MAPK8: variants seen among roughly 807,000 people sequenced by gnomAD.
The protein encoded by MAPK8 is JUN N-terminal kinase.
In MAPK8, 13 loss-of-function variants were observed where a neutral mutation model predicts 52.9. That is an observed-to-expected ratio of 0.25 (90% CI 0.16 to 0.39). The LOEUF (loss-of-function observed/expected upper bound fraction) is 0.39, where lower values mean the gene tolerates loss of function less well. MAPK8 is among the 10% of genes least tolerant of loss of function. The pLI, the probability that MAPK8 is intolerant of heterozygous loss-of-function variation, is 1.00. For missense variants in MAPK8, 300 were observed against 519.2 expected (o/e 0.58, Z 4.10); for synonymous variants, 191 against 169.8 (o/e 1.12, Z -0.97).
chr10:48,350,008 A>G (rs1564516035), intron 1 of MAPK8, among the ~76,000 whole-genome samples: 1 of 152,232 alleles, frequency 6.6e-6, no homozygotes, highest in South Asian at 2.1e-4. Flanking sequence ...AATAAACTAG[A>G]AAATCTAGAA....
At chr10:48,340,489 T>C (rs1383221374) in intron 1 of MAPK8, among the ~76,000 whole-genome samples, 1 of 152,166 alleles carries the variant, frequency 6.6e-6, no homozygotes, top group Non-Finnish European at 1.5e-5. Flanking sequence ...CCCAGAATTA[T>C]GCAATGTACC....
Position 48,337,918 on chromosome 10 carries a change from C to T in MAPK8, c.-50+31097C>T, listed in dbSNP as rs566330937. 5.3e-5 allele frequency among the ~76,000 whole-genome samples: 8 copies of T among 151,680 alleles called. No individual in the cohort carries two copies. The East Asian group carries it at 1.5e-3, about 29-fold the overall frequency. ...ACCAGGAAGAAATCAAAATCCTGAA[C>T]AGACCAATAACGAGTTATAACGTTG... On this transcript the variant is annotated intron_variant, in intron 1 of 11. Coordinates refer to ENST00000374189, the MANE Select transcript of MAPK8 (RefSeq NM_001323329.2).
intron 1 of MAPK8, among the ~76,000 whole-genome samples, chr10:48,367,907 C>T (rs546439332): frequency 6.6e-6 from 1 of 152,248 alleles, no homozygotes; most frequent in African/African-American, 2.4e-5. Context: ...ATAAAACATT[C>T]AACTGGATGG....
intron 1 of MAPK8, among the ~76,000 whole-genome samples, chr10:48,362,523 C>A (rs1344962579): frequency 1.5e-5 from 2 of 132,568 alleles, no homozygotes; most frequent in Admixed American, 9.0e-5. Context: ...AAGAAAAAAA[C>A]CACATTTTCT....
intron 1 of MAPK8, among the ~76,000 whole-genome samples, chr10:48,344,191 G>T (rs547893985): frequency 6.6e-6 from 1 of 152,212 alleles, no homozygotes; most frequent in African/African-American, 2.4e-5. Context: ...AAGAAGCAAC[G>T]ATAGTTGGTC....
intron 1 of MAPK8, among the ~76,000 whole-genome samples, chr10:48,334,749 C>T (rs1041884464): frequency 3.3e-5 from 5 of 152,114 alleles, no homozygotes; most frequent in African/African-American, 1.2e-4. Context: ...CCCGTCCAAA[C>T]CCAAATAATG....
intron 1 of MAPK8, among the ~76,000 whole-genome samples, chr10:48,396,323 T>C (rs1486266248): frequency 1.3e-5 from 2 of 152,044 alleles, no homozygotes; most frequent in Admixed American, 6.5e-5. Flanking sequence ...AGTATATAGA[T>C]GACAAAGAAG....
At chr10:48,417,133 A>G (rs538846182) in intron 5 of MAPK8, among the ~76,000 whole-genome samples, 10 of 152,338 alleles carry the variant, frequency 6.6e-5, no homozygotes, top group African/African-American at 2.4e-4. Flanking sequence ...GCCAAATATT[A>G]TTTTGGGGCA....
intron 1 of MAPK8, among the ~76,000 whole-genome samples, chr10:48,332,977 A>T (rs904570352): frequency 1.3e-5 from 2 of 152,194 alleles, no homozygotes; most frequent in Non-Finnish European, 2.9e-5. Context: ...CCTTTCTCAC[A>T]TAAGGAGTGT....
At chr10:48,412,722 G>T (rs2042825425) in intron 5 of MAPK8, among the ~76,000 whole-genome samples, 1 of 152,148 alleles carries the variant, frequency 6.6e-6, no homozygotes, top group South Asian at 2.1e-4. Context: ...TAGGGAGGCA[G>T]GTAGAGCCAA....
Position 48,342,766 on chromosome 10 carries a change from GT to G in MAPK8, c.-50+35950del, listed in dbSNP as rs562731028. Among the ~76,000 whole-genome samples the G allele has an allele frequency of 3.0e-4, 46 of 152,280 alleles. 1 individual carries two copies. In the South Asian group the frequency reaches 9.5e-3, roughly 32 times the overall value. ...ACAACACCGGAAGAGGACCAGATTGGTTTTTGGATATGTTGAATTTGAGGTG... is the reference window on the plus strand; with the variant it reads ...ACAACACCGGAAGAGGACCAGATTGGTTTTGGATATGTTGAATTTGAGGTG... On this transcript the variant is annotated intron_variant, in intron 1 of 11. Coordinates refer to ENST00000374189, the MANE Select transcript of MAPK8 (RefSeq NM_001323329.2).
intron 1 of MAPK8, among the ~76,000 whole-genome samples, chr10:48,379,404 AG>A (rs1360589969): frequency 6.6e-6 from 1 of 152,236 alleles, no homozygotes; most frequent in African/African-American, 2.4e-5. Flanking sequence ...TACAATAACC[AG>A]TGTCTCCAAT....
rs181264957 is a variant in MAPK8, at chr10:48,389,337, C to A, written c.-49-12275C>A. On this transcript the variant is annotated intron_variant, in intron 1 of 11. Coordinates refer to ENST00000374189, the MANE Select transcript of MAPK8 (RefSeq NM_001323329.2). ...ATTCTGAAAGTAGTGAGACTTCATTCGTTAGAGCTAACCTCATAGTGCTCA... is the reference window on the plus strand; with the variant it reads ...ATTCTGAAAGTAGTGAGACTTCATTAGTTAGAGCTAACCTCATAGTGCTCA... 3.3e-5 allele frequency among the ~76,000 whole-genome samples: 5 copies of A among 152,094 alleles called. No individual in the cohort carries two copies. The South Asian group carries it at 1.0e-3, about 32-fold the overall frequency.
At chr10:48,365,959 G>A (rs1847989961) in intron 1 of MAPK8, among the ~76,000 whole-genome samples, 1 of 152,058 alleles carries the variant, frequency 6.6e-6, no homozygotes, top group Middle Eastern at 3.2e-3. Context: ...AATTTACTGG[G>A]TAGCATGTTA....
intron 1 of MAPK8, among the ~76,000 whole-genome samples, chr10:48,357,865 C>T (rs1158837975): frequency 6.6e-6 from 1 of 152,196 alleles, no homozygotes; most frequent in Non-Finnish European, 1.5e-5. Context: ...CCTCATTCCC[C>T]TGTCCCATTT....
At chr10:48,331,869 A>G (rs532396434) in intron 1 of MAPK8, among the ~76,000 whole-genome samples, 8 of 152,288 alleles carry the variant, frequency 5.3e-5, no homozygotes, top group Non-Finnish European at 8.8e-5. Flanking sequence ...TCATAATCCT[A>G]AGGAGTACTA....
At chr10:48,418,318 T>C (rs915435265) in intron 5 of MAPK8, among the ~76,000 whole-genome samples, 1 of 152,198 alleles carries the variant, frequency 6.6e-6, no homozygotes, top group African/African-American at 2.4e-5. Context: ...CTGACACCAG[T>C]TTCAGTGTTA....
intron 1 of MAPK8, among the ~76,000 whole-genome samples, chr10:48,319,345 C>T (rs535429825): frequency 6.6e-6 from 1 of 152,220 alleles, no homozygotes; most frequent in Admixed American, 6.5e-5. Flanking sequence ...CACAGCCTAA[C>T]TTTAGAACAT....
chr10:48,425,378 G>A, intron 7 of MAPK8: 1 of 444,616 alleles, frequency 2.2e-6, no homozygotes, highest in Non-Finnish European at 4.0e-6. Context: ...ACAAAGAATG[G>A]CAAAAGAAAA....
Sources: gnomAD v4.1 joint callset for allele counts (sites outside exome capture counted in the v4.1 genomes callset) on GRCh38, gnomAD v4.1.1 for gene constraint, MANE v1.5 for transcripts, NCBI Gene and HGNC (gene_info 2026-07-23, HGNC 2026-07-21) for gene names.